CDH7: variants seen among roughly 807,000 people sequenced by gnomAD.
The protein encoded by CDH7 is cadherin-7.
In CDH7, 25 loss-of-function variants were observed where a neutral mutation model predicts 71.8. The ratio of observed to expected loss-of-function variants is 0.35; its 90% CI spans 0.25 to 0.49. The LOEUF (loss-of-function observed/expected upper bound fraction) is 0.49. Ranked by LOEUF, CDH7 falls within the 20% of genes least tolerant of loss-of-function variation. The pLI, the probability that CDH7 is intolerant of heterozygous loss-of-function variation, is 0.99. For missense variants in CDH7, 862 were observed against 974.6 expected (o/e 0.88, Z 1.54); for synonymous variants, 381 against 363.8 (o/e 1.05, Z -0.54).
chr18:65,782,920 C>T (rs540556372), intron 2 of CDH7, among the ~76,000 whole-genome samples: 2 of 152,162 alleles, frequency 1.3e-5, no homozygotes, highest in African/African-American at 4.8e-5. Flanking sequence ...AACAGCAAAA[C>T]CACAAACAGA....
intron 1 of CDH7, among the ~76,000 whole-genome samples, chr18:65,759,759 C>A (rs1332877418): frequency 6.6e-6 from 1 of 152,158 alleles, no homozygotes; most frequent in Non-Finnish European, 1.5e-5. Flanking sequence ...AGTGGTGGAG[C>A]TTGTAGGACA....
Position 65,866,057 on chromosome 18 carries a change from TGGG to T in CDH7, c.1864+3141_1864+3143del, listed in dbSNP as rs1913744211. ...GCTCACGCCTGTAATCCCAGCACTT[TGGG>T]AGGCCGAGGCGGGCGGATCACGAGG... On this transcript the variant is annotated intron_variant, in intron 11 of 11. Transcript: ENST00000397968. 2 of 8,806 alleles carry T rather than the reference TGGG, an allele frequency of 2.3e-4. 1 individual carries two copies. The highest frequency in any genetic ancestry group is 6.4e-4 in the African/African-American group (2 of 3,106). The allele number at this position is 8,806 out of a possible 1,614,324, so 0.5% of individuals were successfully genotyped here.
At position 65,883,406 on chromosome 18, in the gene CDH7, A is replaced by C. The variant is rs1330362591; in HGVS notation, c.*2512A>C. ...TCTAATGCTATATATGATGACTGTC[A>C]ATACTTGAGATATAGGCTTTGTTTT... is the stretch of plus-strand genomic sequence containing the variant. On this transcript the variant is annotated 3_prime_UTR_variant, in exon 12 of 12. Transcript: ENST00000397968. 6.6e-6 allele frequency: 1 copy of C among 151,928 alleles called. No homozygotes were observed. Among genetic ancestry groups the C allele is most frequent in the Non-Finnish European group, 1.5e-5 (1 of 67,906 alleles). The allele number at this position is 151,928 out of a possible 1,614,324, so 9.4% of individuals were successfully genotyped here.
chr18:65,865,667 T>G (rs1013313249), intron 11 of CDH7: 1 of 152,122 alleles, frequency 6.6e-6, no homozygotes, highest in African/African-American at 2.4e-5. Context: ...TTCCCAAGTT[T>G]TTAAAAGCAG....
intron 6 of CDH7, among the ~76,000 whole-genome samples, chr18:65,836,313 G>A (rs1912531261): frequency 6.6e-6 from 1 of 152,138 alleles, no homozygotes; most frequent in East Asian, 1.9e-4. Flanking sequence ...GAACAGAAGA[G>A]AGAAAGGAAG....
chr18:65,853,924 T>TATATATATCC lies in CDH7; in HGVS notation c.1236-3884_1236-3883insCCATATATAT, dbSNP rs1555689496. ...AAATTACCATATATATATATATATA[T>TATATATATCC]ATATATATATATATATATATATATA... On this transcript the variant is annotated intron_variant, in intron 7 of 11. Transcript: ENST00000397968. 1.3e-3 allele frequency among the ~76,000 whole-genome samples: 110 copies of TATATATATCC among 84,690 alleles called. 5 individuals are homozygous for TATATATATCC. Among genetic ancestry groups the TATATATATCC allele is most frequent in the Middle Eastern group, 6.2e-3 (1 of 162 alleles). The allele number at this position is 84,690 out of a possible 152,430, so 55.6% of individuals were successfully genotyped here.
chr18:65,775,442 G>A (rs1909900006), intron 2 of CDH7, among the ~76,000 whole-genome samples: 1 of 152,170 alleles, frequency 6.6e-6, no homozygotes, highest in South Asian at 2.1e-4. Flanking sequence ...TTAAGTATTA[G>A]TTGTTAATAA....
chr18:65,781,868 C>CTTTCTTTCTA (rs1158204834), intron 2 of CDH7, among the ~76,000 whole-genome samples: 1 of 65,594 alleles, frequency 1.5e-5, no homozygotes, highest in Non-Finnish European at 3.1e-5. Context: ...CTTTCTTTCT[C>CTTTCTTTCTA]TCTCTCTCTC....
chr18:65,804,705 T>TGTGTGTGTGTGTGG (rs1911251390), intron 2 of CDH7, among the ~76,000 whole-genome samples: 1 of 151,234 alleles, frequency 6.6e-6, no homozygotes, highest in South Asian at 2.1e-4. Flanking sequence ...CACACGTGTG[T>TGTGTGTGTGTGTGG]GTGTGTGTGT....
intron 4 of CDH7, among the ~76,000 whole-genome samples, chr18:65,815,264 A>G (rs1911685026): frequency 6.6e-6 from 1 of 152,134 alleles, no homozygotes; most frequent in Admixed American, 6.5e-5. Flanking sequence ...ATTTTAATGT[A>G]TTCAGTTTTT....
At chr18:65,818,249 G>A (rs182933157) in intron 4 of CDH7, among the ~76,000 whole-genome samples, 2 of 152,184 alleles carry the variant, frequency 1.3e-5, no homozygotes, top group Admixed American at 1.3e-4. Flanking sequence ...GATGCTATAA[G>A]GTTTTGAGTT....
chr18:65,769,177 C>A (rs1030416596), intron 2 of CDH7, among the ~76,000 whole-genome samples: 11 of 152,144 alleles, frequency 7.2e-5, no homozygotes, highest in Non-Finnish European at 1.5e-4. Flanking sequence ...ACACCTGGTG[C>A]ACCTCTGTGA....
intron 11 of CDH7, among the ~76,000 whole-genome samples, chr18:65,877,260 T>C (rs1453883884): frequency 6.6e-6 from 1 of 152,130 alleles, no homozygotes; most frequent in South Asian, 2.1e-4. Context: ...ATATCCTTGA[T>C]GTGTATTGTA....
At chr18:65,843,344 C>T (rs533223304) in intron 6 of CDH7, among the ~76,000 whole-genome samples, 14 of 152,230 alleles carry the variant, frequency 9.2e-5, no homozygotes, top group African/African-American at 1.2e-4. Context: ...TGAAGCCACA[C>T]TTTGAGTGCC....
intron 11 of CDH7, chr18:65,865,220 T>A (rs562932843): frequency 2.3e-4 from 35 of 152,208 alleles, no homozygotes; most frequent in African/African-American, 8.4e-4. Flanking sequence ...AATTATCAGC[T>A]AATTATTACT....
At chr18:65,877,434 A>G (rs1469149479) in intron 11 of CDH7, among the ~76,000 whole-genome samples, 2 of 152,116 alleles carry the variant, frequency 1.3e-5, no homozygotes, top group Non-Finnish European at 2.9e-5. Context: ...AAAATTTATT[A>G]TAATTAAAGA....
intron 2 of CDH7, among the ~76,000 whole-genome samples, chr18:65,782,107 C>CTTTCTTTCTTTCTTTCTTTCTTTCT (rs1555682165): frequency 4.0e-5 from 1 of 25,224 alleles, no homozygotes; most frequent in Non-Finnish European, 6.0e-5. Context: ...TCCTTCCTTC[C>CTTTCTTTCTTTCTTTCTTTCTTTCT]TTCTTTCTTT....
At chr18:65,786,998 G>C (rs1295636768) in intron 2 of CDH7, among the ~76,000 whole-genome samples, 1 of 151,846 alleles carries the variant, frequency 6.6e-6, no homozygotes, top group Non-Finnish European at 1.5e-5. Flanking sequence ...TATTTCCTAA[G>C]TTTCATGCCC....
intron 2 of CDH7, among the ~76,000 whole-genome samples, chr18:65,802,569 T>C (rs1428687987): frequency 2.6e-5 from 4 of 152,186 alleles, no homozygotes; most frequent in African/African-American, 9.7e-5. Context: ...CAGGGGTTGC[T>C]TTTAAGTGCT....
Sources: gnomAD v4.1 joint callset for allele counts (sites outside exome capture counted in the v4.1 genomes callset) on GRCh38, gnomAD v4.1.1 for gene constraint, MANE v1.5 for transcripts, NCBI Gene and HGNC (gene_info 2026-07-23, HGNC 2026-07-21) for gene names.